Variants in ABTB3 observed in about 807,000 individuals in gnomAD.
ABTB3 encodes the protein ankyrin repeat- and BTB/POZ domain-containing protein 3.
the ABTB3 span, among the ~76,000 whole-genome samples, chr12:107,460,688 G>A: frequency 6.6e-6 from 1 of 152,122 alleles, no homozygotes; most frequent in African/African-American, 2.4e-5. Context: ...GAAAACTCTA[G>A]CTCTCCCTCA....
chr12:107,651,823 G>A, the ABTB3 span: 1 of 1,565,276 alleles, frequency 6.4e-7, no homozygotes, highest in East Asian at 2.2e-5. Context: ...GCGCACACAG[G>A]AGCGCTGAAG....
At chr12:107,542,311 CAA>C in the ABTB3 span, among the ~76,000 whole-genome samples, 3 of 119,168 alleles carry the variant, frequency 2.5e-5, no homozygotes, top group Admixed American at 9.7e-5. Flanking sequence ...AACTCTGTCT[CAA>C]AAAAAAAAAA....
At chr12:107,350,411 G>A in the ABTB3 span, among the ~76,000 whole-genome samples, 1 of 152,018 alleles carries the variant, frequency 6.6e-6, no homozygotes, top group Non-Finnish European at 1.5e-5. Flanking sequence ...AAATGGGCTG[G>A]GCGTGGTGGG....
the ABTB3 span, among the ~76,000 whole-genome samples, chr12:107,563,370 G>A: frequency 6.6e-6 from 1 of 152,270 alleles, no homozygotes; most frequent in Admixed American, 6.5e-5. Context: ...AGCACTGTTC[G>A]AAGTTCTGGG....
the ABTB3 span, among the ~76,000 whole-genome samples, chr12:107,648,380 C>CCCCACACACACACA: frequency 2.1e-5 from 3 of 140,100 alleles, no homozygotes; most frequent in Admixed American, 1.5e-4. Context: ...GACCCCATCT[C>CCCCACACACACACA]CACACACACA....
At chr12:107,338,388 G>A in the ABTB3 span, among the ~76,000 whole-genome samples, 14 of 152,270 alleles carry the variant, frequency 9.2e-5, no homozygotes, top group South Asian at 6.2e-4. Flanking sequence ...GTGGGTAGGC[G>A]TTAGTATCCT....
the ABTB3 span, among the ~76,000 whole-genome samples, chr12:107,430,527 A>G: frequency 6.6e-6 from 1 of 152,208 alleles, no homozygotes; most frequent in African/African-American, 2.4e-5. Flanking sequence ...CCACACCTAC[A>G]TATAATCATG....
the ABTB3 span, among the ~76,000 whole-genome samples, chr12:107,462,785 T>C: frequency 6.6e-6 from 1 of 151,042 alleles, no homozygotes; most frequent in African/African-American, 2.4e-5. Context: ...GATGATGTAG[T>C]CACAGTGATA....
the ABTB3 span, among the ~76,000 whole-genome samples, chr12:107,647,767 C>T: frequency 6.6e-6 from 1 of 152,194 alleles, no homozygotes; most frequent in Non-Finnish European, 1.5e-5. Flanking sequence ...TAGTCTTCAT[C>T]ACAATTCCAT....
At chr12:107,544,189 G>A in the ABTB3 span, 20 of 1,565,180 alleles carry the variant, frequency 1.3e-5, 1 homozygote, top group South Asian at 3.5e-5. Context: ...TGCCTCCAGG[G>A]TGGGGCAAGT....
At chr12:107,376,497 T>C in the ABTB3 span, among the ~76,000 whole-genome samples, 3 of 152,170 alleles carry the variant, frequency 2.0e-5, no homozygotes, top group African/African-American at 7.2e-5. Context: ...CACCTCACAG[T>C]GTTGTGTCTG....
the ABTB3 span, among the ~76,000 whole-genome samples, chr12:107,328,231 T>C: frequency 6.6e-6 from 1 of 152,228 alleles, no homozygotes; most frequent in South Asian, 2.1e-4. Flanking sequence ...ACAGAAGGTT[T>C]AATGAATTTG....
chr12:107,409,653 GA>G, the ABTB3 span, among the ~76,000 whole-genome samples: 1 of 152,288 alleles, frequency 6.6e-6, no homozygotes, highest in South Asian at 2.1e-4. Context: ...GCTGAACAAT[GA>G]GAACACATGG....
chr12:107,617,980 T>A, the ABTB3 span, among the ~76,000 whole-genome samples: 2 of 152,052 alleles, frequency 1.3e-5, no homozygotes, highest in East Asian at 3.9e-4. Context: ...TGCCCCATCA[T>A]CTCCTCCATC....
At chr12:107,546,138 C>T in the ABTB3 span, among the ~76,000 whole-genome samples, 1 of 152,166 alleles carries the variant, frequency 6.6e-6, no homozygotes, top group African/African-American at 2.4e-5. Context: ...GCCTGTAAAG[C>T]TTCATGAAGG....
the ABTB3 span, chr12:107,520,346 C>T: frequency 0.1 from 151,541 of 1,461,684 alleles, 8,394 homozygotes; most frequent in African/African-American, 0.13. Context: ...GAGTCCAGAG[C>T]GTTGGTTCCT....
the ABTB3 span, chr12:107,659,314 A>G: frequency 1.3e-5 from 2 of 152,208 alleles, no homozygotes; most frequent in Non-Finnish European, 2.9e-5. Context: ...TGCGAGGCTG[A>G]TACACAAGGC....
chr12:107,603,802 A>G, the ABTB3 span, among the ~76,000 whole-genome samples: 7 of 152,304 alleles, frequency 4.6e-5, no homozygotes, highest in African/African-American at 1.7e-4. Context: ...CAAATCATAC[A>G]TCTGATATGG....
the ABTB3 span, among the ~76,000 whole-genome samples, chr12:107,371,400 G>C: frequency 6.6e-6 from 1 of 152,188 alleles, no homozygotes; most frequent in South Asian, 2.1e-4. Context: ...GTCCTGCCAG[G>C]CTTCTACGAA....
Sources: gnomAD v4.1 joint callset for allele counts (sites outside exome capture counted in the v4.1 genomes callset) on GRCh38, gnomAD v4.1.1 for gene constraint, MANE v1.5 for transcripts, NCBI Gene and HGNC (gene_info 2026-07-23, HGNC 2026-07-21) for gene names.